The following FANCC variants were observed in gnomAD, a reference collection of about 807,000 sequenced individuals.
The protein encoded by FANCC is FA complementation group C.
A neutral mutation model predicts 71.3 loss-of-function variants in FANCC; 55 were observed. The observed-to-expected ratio is 0.77, with a 90% CI of 0.62 to 0.97. The LOEUF is 0.97. Among genes scored for constraint, FANCC ranks in the 50% least tolerant of loss-of-function variants. The probability of loss-of-function intolerance (pLI) is 0.00; values close to 1 mark genes in which losing one functional copy is unlikely to be tolerated. For synonymous variants in FANCC, 275 were observed against 244.9 expected, an observed-to-expected ratio of 1.12 and a Z score of -1.15; for missense variants, 678 against 670.9, an observed-to-expected ratio of 1.01 and a Z score of -0.12.
chr9:95,116,966 T>C (rs1049008751), intron 11 of FANCC, among the ~76,000 whole-genome samples: 1 of 152,234 alleles, frequency 6.6e-6, no homozygotes, highest in African/African-American at 2.4e-5. Context: ...CAAACGAATG[T>C]ACTGTTTTAT....
chr9:95,298,784 T>A (rs1834548932), intron 1 of FANCC, among the ~76,000 whole-genome samples: 1 of 152,160 alleles, frequency 6.6e-6, no homozygotes, highest in South Asian at 2.1e-4. Context: ...ACTGGCAAAA[T>A]CATTGTTCTA....
intron 1 of FANCC, among the ~76,000 whole-genome samples, chr9:95,306,358 T>C (rs1279960192): frequency 2.0e-5 from 3 of 152,190 alleles, no homozygotes; most frequent in African/African-American, 7.2e-5. Flanking sequence ...TCAGGGCACA[T>C]TACCAAGCAG....
At chr9:95,145,248 T>C (rs1227967909) in intron 7 of FANCC, 1 of 152,228 alleles carries the variant, frequency 6.6e-6, no homozygotes, top group Non-Finnish European at 1.5e-5. Flanking sequence ...GAAAATCTAT[T>C]TGAAGATGGA....
chr9:95,212,490 G>A (rs191990869), intron 4 of FANCC, among the ~76,000 whole-genome samples: 210 of 152,152 alleles, frequency 1.4e-3, no homozygotes, highest in Middle Eastern at 3.4e-3. Context: ...AAAACCTGTC[G>A]AATTAGAAAT....
At chr9:95,125,397 T>G (rs1006192548) in intron 9 of FANCC, among the ~76,000 whole-genome samples, 1 of 152,262 alleles carries the variant, frequency 6.6e-6, no homozygotes, top group Non-Finnish European at 1.5e-5. Flanking sequence ...TGCAGAGCTC[T>G]CTTTCTTGGT....
chr9:95,204,319 T>C lies in FANCC; in HGVS notation c.346-32172A>G, dbSNP rs558713933. On this transcript the variant is annotated intron_variant, in intron 4 of 14. Transcript: ENST00000289081. ...TATGAATGGAGTTCAAGAAGCTTCA[T>C]CTATATAGACCCATGGATATCCATC... 9.2e-5 allele frequency among the ~76,000 whole-genome samples: 14 copies of C among 152,298 alleles called. No homozygotes were observed. In the South Asian group the frequency reaches 2.7e-3, roughly 29 times the overall value.
chr9:95,114,099 A>AC (rs1347941851), intron 12 of FANCC: 7 of 188,556 alleles, frequency 3.7e-5, no homozygotes, highest in Non-Finnish European at 4.5e-5. Context: ...AAAATTTAAA[A>AC]CAAACCAACC....
At chr9:95,205,384 A>C (rs1828060692) in intron 4 of FANCC, among the ~76,000 whole-genome samples, 1 of 152,152 alleles carries the variant, frequency 6.6e-6, no homozygotes, top group Non-Finnish European at 1.5e-5. Context: ...TTATATTTTA[A>C]AAAACTTGAC....
intron 9 of FANCC, 85 bp from the exon 10 acceptor site, chr9:95,125,270 A>G (rs932883911): frequency 1.4e-5 from 15 of 1,095,556 alleles, no homozygotes; most frequent in Non-Finnish European, 2.0e-5. Flanking sequence ...GGAAAAGTAG[A>G]AACACTTTTT....
chr9:95,263,356 C>T (rs958541191), intron 1 of FANCC, among the ~76,000 whole-genome samples: 7 of 151,970 alleles, frequency 4.6e-5, no homozygotes, highest in Non-Finnish European at 8.8e-5. Flanking sequence ...CTGGGATATC[C>T]GCCAGTGCCA....
intron 1 of FANCC, among the ~76,000 whole-genome samples, chr9:95,252,274 CAAA>C (rs71366284): frequency 2.0e-5 from 1 of 50,154 alleles, no homozygotes; most frequent in Non-Finnish European, 3.6e-5. Flanking sequence ...GAGACTGATT[CAAA>C]AAAAAAAAAA....
intron 1 of FANCC, among the ~76,000 whole-genome samples, chr9:95,303,588 G>A (rs1376175155): frequency 6.6e-6 from 1 of 152,228 alleles, no homozygotes. Context: ...ATTAGGTCCT[G>A]TTGAGAGCCC....
At chr9:95,298,815 A>G (rs958306892) in intron 1 of FANCC, among the ~76,000 whole-genome samples, 1 of 152,228 alleles carries the variant, frequency 6.6e-6, no homozygotes, top group Non-Finnish European at 1.5e-5. Context: ...GTAGATTTGA[A>G]GCGGATACCA....
At chr9:95,274,770 A>G (rs1401838913) in intron 1 of FANCC, among the ~76,000 whole-genome samples, 1 of 152,188 alleles carries the variant, frequency 6.6e-6, no homozygotes, top group African/African-American at 2.4e-5. Flanking sequence ...AAATTAGCAG[A>G]CCATCAAGGA....
chr9:95,263,362 T>G (rs1016187812), intron 1 of FANCC, among the ~76,000 whole-genome samples: 1 of 152,118 alleles, frequency 6.6e-6, no homozygotes, highest in Non-Finnish European at 1.5e-5. Flanking sequence ...TATCCGCCAG[T>G]GCCAGGGGTG....
rs1021758316 is a variant in FANCC, at chr9:95,219,680, T to C, written c.345+20969A>G. Among the ~76,000 whole-genome samples the C allele has an allele frequency of 5.3e-5, 8 of 152,232 alleles. No individual in the cohort carries two copies. The East Asian group carries it at 1.5e-3, about 29-fold the overall frequency. On this transcript the variant is annotated intron_variant, in intron 4 of 14. Transcript: ENST00000289081. ...CTAGCCATATGTAGAAAGCTGAAAC[T>C]GGATTCCTCCCTTACACCTTATACA...
At chr9:95,251,378 C>T (rs1018388281) in intron 1 of FANCC, among the ~76,000 whole-genome samples, 10 of 151,994 alleles carry the variant, frequency 6.6e-5, no homozygotes, top group African/African-American at 2.2e-4. Flanking sequence ...TTAAGTGGTG[C>T]GATGTTGGTT....
intron 2 of FANCC, among the ~76,000 whole-genome samples, chr9:95,248,301 GCATCAAGCC>G: frequency 6.6e-6 from 1 of 152,182 alleles, no homozygotes; most frequent in East Asian, 1.9e-4. Context: ...ATGTGTCCCA[GCATCAAGCC>G]TGGTCCTACA....
chr9:95,207,642 T>A (rs1828215869), intron 4 of FANCC, among the ~76,000 whole-genome samples: 1 of 152,184 alleles, frequency 6.6e-6, no homozygotes, highest in African/African-American at 2.4e-5. Context: ...CTACTCTGAC[T>A]GAGCAGGTCA....
Sources: gnomAD v4.1 joint callset for allele counts (sites outside exome capture counted in the v4.1 genomes callset) on GRCh38, gnomAD v4.1.1 for gene constraint, MANE v1.5 for transcripts, NCBI Gene and HGNC (gene_info 2026-07-23, HGNC 2026-07-21) for gene names.